The following PARD3 variants were observed in gnomAD, a reference collection of about 807,000 sequenced individuals.
PARD3 encodes the protein par-3 family cell polarity regulator, also known as partitioning defective 3 homolog.
Under a neutral mutation model 155.4 loss-of-function variants are expected in PARD3, and 75 were observed. That is an observed-to-expected ratio of 0.48 (90% CI 0.40 to 0.58). The LOEUF (loss-of-function observed/expected upper bound fraction) is 0.58. PARD3 is among the 20% of genes least tolerant of loss of function. The pLI, the probability that PARD3 is intolerant of heterozygous loss-of-function variation, is 0.00. For missense variants in PARD3, 1,642 were observed against 1,721.7 expected (o/e 0.95, Z 0.82); for synonymous variants, 576 against 610.5 (o/e 0.94, Z 0.83).
At chr10:34,791,277 G>A (rs1841583545) in intron 1 of PARD3, among the ~76,000 whole-genome samples, 1 of 152,144 alleles carries the variant, frequency 6.6e-6, no homozygotes, top group Admixed American at 6.5e-5. Context: ...ACAGTCCCAG[G>A]TAGAAGCCAC....
intron 5 of PARD3, among the ~76,000 whole-genome samples, chr10:34,436,649 C>T (rs533046627): frequency 6.6e-6 from 1 of 152,188 alleles, no homozygotes. Context: ...TTATCTATAA[C>T]AGGTTATTTA....
rs150697401 is a variant in PARD3, at chr10:34,554,421, A to T, written c.223-37262T>A. On this transcript the variant is annotated intron_variant, in intron 2 of 24. Transcript: ENST00000374788. The stretch of plus-strand genomic sequence containing the variant: ...TGCTTTCAATGTATTAAGAATGTGA[A>T]AGATTCTGAATGAGGGTAGCTTAAG... Among the ~76,000 whole-genome samples the T allele has an allele frequency of 4.6e-5, 7 of 152,354 alleles. No homozygotes were observed. In the East Asian group the frequency reaches 1.3e-3, roughly 29 times the overall value.
At chr10:34,369,127 A>T (rs1163938925) in intron 12 of PARD3, among the ~76,000 whole-genome samples, 1 of 151,722 alleles carries the variant, frequency 6.6e-6, no homozygotes, top group Non-Finnish European at 1.5e-5. Flanking sequence ...CAAGATTTGG[A>T]GTGTCCTAAG....
At chr10:34,529,566 A>C (rs2082700797) in intron 2 of PARD3, among the ~76,000 whole-genome samples, 2 of 152,252 alleles carry the variant, frequency 1.3e-5, no homozygotes, top group Admixed American at 1.3e-4. Flanking sequence ...ACTCACCAAA[A>C]ACTTAACTAC....
chr10:34,395,561 GGC>G (rs1843241186), intron 7 of PARD3, among the ~76,000 whole-genome samples: 1 of 92,514 alleles, frequency 1.1e-5, no homozygotes, highest in Non-Finnish European at 1.9e-5. Context: ...TCATCGGCCG[GGC>G]GCGGTGGCTC....
rs372523300 is a variant in PARD3, at chr10:34,325,537, T to C, written c.2833+5580A>G. On this transcript the variant is annotated intron_variant, in intron 19 of 24. Transcript: ENST00000374788. The stretch of plus-strand genomic sequence containing the variant: ...TGGGCACCCCTACACCACCACCCCC[T>C]CCCCAGTGTCACACTAACTTACACA... Among the ~76,000 whole-genome samples, 311 of 151,270 alleles carry C rather than the reference T, an allele frequency of 2.1e-3. 1 individual carries two copies. The highest frequency in any genetic ancestry group is 7.2e-3 in the African/African-American group (297 of 41,102).
At chr10:34,693,620 C>T (rs1228139589) in intron 2 of PARD3, among the ~76,000 whole-genome samples, 1 of 152,122 alleles carries the variant, frequency 6.6e-6, no homozygotes, top group Non-Finnish European at 1.5e-5. Flanking sequence ...TGTTTATCAC[C>T]TGGGGTGACT....
chr10:34,499,908 C>T (rs2080566430), intron 3 of PARD3, among the ~76,000 whole-genome samples: 1 of 152,196 alleles, frequency 6.6e-6, no homozygotes, highest in African/African-American at 2.4e-5. Context: ...CACATTAAAT[C>T]ATCTCTACGT....
At chr10:34,635,623 CT>C (rs1001825210) in intron 2 of PARD3, among the ~76,000 whole-genome samples, 2 of 152,178 alleles carry the variant, frequency 1.3e-5, no homozygotes, top group African/African-American at 4.8e-5. Flanking sequence ...TGGTCCATTC[CT>C]TGAGGTTGGT....
intron 2 of PARD3, among the ~76,000 whole-genome samples, chr10:34,561,621 C>T (rs968868841): frequency 6.6e-5 from 10 of 151,822 alleles, no homozygotes; most frequent in Admixed American, 3.9e-4. Flanking sequence ...TGGGTTCAAG[C>T]AATTCTCCTG....
intron 2 of PARD3, among the ~76,000 whole-genome samples, chr10:34,564,294 T>TA (rs1025658199): frequency 6.6e-6 from 1 of 152,200 alleles, no homozygotes; most frequent in African/African-American, 2.4e-5. Context: ...ATTGTTTATA[T>TA]AAAAAAGTAT....
chr10:34,266,127 A>C (rs1955290710), intron 22 of PARD3, among the ~76,000 whole-genome samples: 1 of 152,344 alleles, frequency 6.6e-6, no homozygotes, highest in Admixed American at 6.5e-5. Flanking sequence ...ATGGTTGTCA[A>C]CAGAAGGAGT....
intron 22 of PARD3, among the ~76,000 whole-genome samples, chr10:34,179,166 G>GCA (rs150884195): frequency 0.041 from 5,347 of 131,252 alleles, 101 homozygotes; most frequent in Non-Finnish European, 0.047. Context: ...ATGTGCGTGC[G>GCA]CGCACACACA....
intron 2 of PARD3, among the ~76,000 whole-genome samples, chr10:34,576,249 A>G (rs1160483587): frequency 6.6e-6 from 1 of 152,212 alleles, no homozygotes; most frequent in Admixed American, 6.5e-5. Flanking sequence ...ATCCTAAACA[A>G]CATAATACAG....
intron 20 of PARD3, among the ~76,000 whole-genome samples, chr10:34,314,363 G>C (rs191235049): frequency 1.3e-5 from 2 of 152,306 alleles, no homozygotes; most frequent in African/African-American, 4.8e-5. Flanking sequence ...TCGTGTGAAG[G>C]AAGGATCAAG....
chr10:34,486,544 G>A (rs1019340045), intron 3 of PARD3, among the ~76,000 whole-genome samples: 1 of 152,210 alleles, frequency 6.6e-6, no homozygotes, highest in African/African-American at 2.4e-5. Context: ...AAGAAATTCA[G>A]TATGGCTGTA....
At chr10:34,529,184 C>T (rs1444534382) in intron 2 of PARD3, among the ~76,000 whole-genome samples, 1 of 152,154 alleles carries the variant, frequency 6.6e-6, no homozygotes, top group Non-Finnish European at 1.5e-5. Context: ...GCCGTCCACA[C>T]TTAGGTACAA....
At chr10:34,174,223 T>C (rs1949934592) in intron 22 of PARD3, among the ~76,000 whole-genome samples, 1 of 152,214 alleles carries the variant, frequency 6.6e-6, no homozygotes, top group South Asian at 2.1e-4. Context: ...TTCGGAAAGA[T>C]ACTACCATCA....
intron 2 of PARD3, among the ~76,000 whole-genome samples, chr10:34,565,513 C>T (rs986308211): frequency 1.3e-5 from 2 of 151,854 alleles, no homozygotes; most frequent in African/African-American, 4.8e-5. Context: ...GTGATCCGCC[C>T]GCCTCGGCCT....
Sources: allele counts gnomAD v4.1 joint callset (sites outside exome capture counted in the v4.1 genomes callset), GRCh38; gene constraint gnomAD v4.1.1; transcripts MANE v1.5; gene names NCBI Gene and HGNC (gene_info 2026-07-23, HGNC 2026-07-21).